Variants in VAMP7 observed in about 807,000 individuals in gnomAD.
VAMP7 encodes the protein vesicle associated membrane protein 7.
VAMP7 carries 14 observed loss-of-function variants against 29.6 expected under a neutral mutation model. The ratio of observed to expected loss-of-function variants is 0.47; its 90% CI spans 0.31 to 0.74. VAMP7 has a LOEUF of 0.74. Ranked by LOEUF, VAMP7 falls within the 30% of genes least tolerant of loss-of-function variation. The pLI, the probability that VAMP7 is intolerant of heterozygous loss-of-function variation, is 0.05. For synonymous variants in VAMP7, 95 were observed against 88.1 expected, an observed-to-expected ratio of 1.08 and a Z score of -0.44; for missense variants, 223 against 262.4, an observed-to-expected ratio of 0.85 and a Z score of 1.04.
chrX:155,897,509 T>A (rs1359506864), intron 3 of VAMP7, among the ~76,000 whole-genome samples: 2 of 152,198 alleles, frequency 1.3e-5, no homozygotes, highest in Non-Finnish European at 2.9e-5. Context: ...AGCCTCATAT[T>A]TCTTGAGCTA....
At chrX:155,900,166 T>C (rs1012098340) in intron 4 of VAMP7, among the ~76,000 whole-genome samples, 1 of 151,982 alleles carries the variant, frequency 6.6e-6, no homozygotes, top group African/African-American at 2.4e-5. Flanking sequence ...TTTTTCTCCT[T>C]TCTTCCTTGT....
intron 6 of VAMP7, among the ~76,000 whole-genome samples, chrX:155,936,681 C>A (rs1022163097): frequency 6.6e-6 from 1 of 152,192 alleles, no homozygotes. Flanking sequence ...CTTCGGCTCA[C>A]GCTCGGTGGG....
At chrX:155,937,600 G>C (rs1203608668) in intron 6 of VAMP7, among the ~76,000 whole-genome samples, 2 of 152,068 alleles carry the variant, frequency 1.3e-5, no homozygotes, top group African/African-American at 4.8e-5. Context: ...AGAAACAAAA[G>C]CTTGGAGGTC....
At chrX:155,927,195 G>T (rs1379772921) in intron 6 of VAMP7, among the ~76,000 whole-genome samples, 1 of 151,864 alleles carries the variant, frequency 6.6e-6, no homozygotes, top group Non-Finnish European at 1.5e-5. Flanking sequence ...ACAGTGAGGG[G>T]AACATCACAC....
chrX:155,904,374 A>AT (rs1413058104), intron 5 of VAMP7, among the ~76,000 whole-genome samples: 48 of 96,936 alleles, frequency 5.0e-4, no homozygotes, highest in South Asian at 1.6e-3. Flanking sequence ...ATAAAATAAA[A>AT]AAAGCAAATT....
chrX:155,895,514 T>C, intron 2 of VAMP7, 109 bp from the exon 3 acceptor site: 1 of 724,392 alleles, frequency 1.4e-6, no homozygotes, highest in Non-Finnish European at 2.4e-6. Context: ...TATCCGTAAG[T>C]AATATGGTGA....
chrX:155,900,937 T>A (rs1413891025), intron 5 of VAMP7, among the ~76,000 whole-genome samples: 2 of 152,038 alleles, frequency 1.3e-5, no homozygotes, highest in Non-Finnish European at 2.9e-5. Context: ...GACGCATAGG[T>A]TCTTTAGCAC....
chrX:155,911,841 G>A lies in VAMP7; in HGVS notation c.434-7972G>A, dbSNP rs761183150. On this transcript the variant is annotated intron_variant, in intron 5 of 7. Transcript: ENST00000286448. ...GCAACTTTACTGAATATATTTATCA[G>A]ATCTAGGAGTTTTTTGGTGGAGTCT... is the stretch of plus-strand genomic sequence containing the variant. 3.9e-5 allele frequency among the ~76,000 whole-genome samples: 6 copies of A among 152,200 alleles called. No individual in the cohort carries two copies. In the East Asian group the frequency reaches 1.2e-3, roughly 29 times the overall value.
intron 6 of VAMP7, among the ~76,000 whole-genome samples, chrX:155,927,344 T>G (rs2066482532): frequency 6.6e-6 from 1 of 150,634 alleles, no homozygotes; most frequent in South Asian, 2.1e-4. Context: ...GTTCTGCACA[T>G]GTATCCTAGA....
chrX:155,936,675 G>A (rs757106845), intron 6 of VAMP7, among the ~76,000 whole-genome samples: 7 of 152,252 alleles, frequency 4.6e-5, no homozygotes, highest in Admixed American at 1.3e-4. Flanking sequence ...GCCCTGCTTC[G>A]GCTCACGCTC....
At position 155,887,390 on chromosome X, in the gene VAMP7, A is replaced by G. The variant is rs769934530; in HGVS notation, c.-9-2068A>G. Among the ~76,000 whole-genome samples, 415 of 152,274 alleles carry G rather than the reference A, an allele frequency of 2.7e-3. 1 individual carries two copies. The highest frequency in any genetic ancestry group is 5.1e-3 in the Non-Finnish European group (349 of 68,016). ...GAGGAGGAAGAGTCAGCAAGAAGAC[A>G]AAAAGAGCAGCCAGAGATGTAGGAG... On this transcript the variant is annotated intron_variant, in intron 1 of 7. Transcript: ENST00000286448.
intron 6 of VAMP7, among the ~76,000 whole-genome samples, chrX:155,924,917 A>T (rs932070032): frequency 6.6e-6 from 1 of 152,168 alleles, no homozygotes; most frequent in Admixed American, 6.5e-5. Flanking sequence ...TAATTTTCTA[A>T]ATCTTTTGTT....
intron 5 of VAMP7, among the ~76,000 whole-genome samples, chrX:155,910,497 G>T (rs1301820583): frequency 6.6e-6 from 1 of 151,692 alleles, no homozygotes; most frequent in Non-Finnish European, 1.5e-5. Context: ...GGATCATATG[G>T]TAGTTTAATT....
intron 4 of VAMP7, among the ~76,000 whole-genome samples, chrX:155,899,277 C>T (rs2066027835): frequency 1.3e-5 from 2 of 151,526 alleles, no homozygotes; most frequent in Non-Finnish European, 2.9e-5. Context: ...AGTGTCTCTG[C>T]GTCCTTGCCA....
intron 6 of VAMP7, among the ~76,000 whole-genome samples, chrX:155,938,803 A>G (rs2066700263): frequency 6.6e-6 from 1 of 152,192 alleles, no homozygotes; most frequent in East Asian, 1.9e-4. Flanking sequence ...GCGACAGAGC[A>G]AGACCCTGTC....
Position 155,919,897 on chromosome X carries a change from A to G in VAMP7, c.501+17A>G. ...GTGGATTCTGTAAGTATGGAATCTG[A>G]TAATATGGAGTCTGATGTAAAGTGG... On this transcript the variant is annotated intron_variant, in intron 6 of 7. Transcript: ENST00000286448. 1 of 1,593,084 alleles carries G rather than the reference A, an allele frequency of 6.3e-7. No individual in the cohort carries two copies. The highest frequency in any genetic ancestry group is 8.6e-7 in the Non-Finnish European group (1 of 1,162,272).
intron 5 of VAMP7, among the ~76,000 whole-genome samples, chrX:155,912,457 C>G: frequency 6.6e-6 from 1 of 152,162 alleles, no homozygotes; most frequent in South Asian, 2.1e-4. Context: ...GTTTGCTGCA[C>G]CCATTAACCC....
chrX:155,905,549 T>C (rs1209779180), intron 5 of VAMP7, among the ~76,000 whole-genome samples: 1 of 152,194 alleles, frequency 6.6e-6, no homozygotes, highest in Non-Finnish European at 1.5e-5. Flanking sequence ...CTTACATTTC[T>C]ATCTATGATC....
rs1423590109 is a variant in VAMP7 at position 155,942,312 on chromosome X, G to A, written c.*361G>A. On this transcript the variant is annotated 3_prime_UTR_variant, in exon 8 of 8. Transcript: ENST00000286448. ...CTAAAACTATGGAGAAACTTTGTAT[G>A]TGCACACAAAAGTATTCAAGAGACA... The A allele has an allele frequency of 6.5e-6, 5 of 771,310 alleles. No individual in the cohort carries two copies. The highest frequency in any genetic ancestry group is 1.8e-5 in the African/African-American group (1 of 56,912). 47.8% of individuals were successfully genotyped at this position (771,310 alleles called of 1,614,324 possible). A position where few individuals can be genotyped will look rare whatever the true frequency, so the allele number is the denominator to read the frequency against.
Sources: allele counts gnomAD v4.1 joint callset (sites outside exome capture counted in the v4.1 genomes callset), GRCh38; gene constraint gnomAD v4.1.1; transcripts MANE v1.5; gene names NCBI Gene and HGNC (gene_info 2026-07-23, HGNC 2026-07-21).